KBTBD12: variants seen among roughly 807,000 people sequenced by gnomAD.
KBTBD12 encodes the protein kelch repeat and BTB domain-containing protein 12.
In KBTBD12, 53 loss-of-function variants were observed where a neutral mutation model predicts 58.7. That is an observed-to-expected ratio of 0.90 (90% CI 0.72 to 1.14). The LOEUF (loss-of-function observed/expected upper bound fraction) is 1.14, where lower values mean the gene tolerates loss of function less well. KBTBD12 is among the 50% of genes most tolerant of loss of function. KBTBD12 has a pLI of 0.00. For missense variants in KBTBD12, 704 were observed against 751.3 expected (o/e 0.94, Z 0.74); for synonymous variants, 236 against 259.8 (o/e 0.91, Z 0.88).
chr3:127,965,827 A>G (rs1403862499), intron 5 of KBTBD12, among the ~76,000 whole-genome samples: 1 of 152,222 alleles, frequency 6.6e-6, no homozygotes, highest in African/African-American at 2.4e-5. Context: ...AGCAACAACA[A>G]TTTGGAAGCT....
At chr3:127,949,554 T>C (rs1265923889) in intron 4 of KBTBD12, among the ~76,000 whole-genome samples, 1 of 152,166 alleles carries the variant, frequency 6.6e-6, no homozygotes, top group East Asian at 1.9e-4. Flanking sequence ...TTGGAATTAT[T>C]AAGTGTGGGG....
chr3:127,957,746 C>T (rs898728360), intron 4 of KBTBD12, among the ~76,000 whole-genome samples: 12 of 152,144 alleles, frequency 7.9e-5, no homozygotes, highest in African/African-American at 2.9e-4. Flanking sequence ...CTTCACTGTC[C>T]GTACCCAGTG....
intron 4 of KBTBD12, among the ~76,000 whole-genome samples, chr3:127,956,350 C>G (rs1940320054): frequency 6.6e-6 from 1 of 151,656 alleles, no homozygotes; most frequent in Admixed American, 6.6e-5. Flanking sequence ...ATTATTGTGA[C>G]AGTGAGTTAA....
intron 4 of KBTBD12, among the ~76,000 whole-genome samples, chr3:127,938,033 C>T (rs1272149947): frequency 1.3e-5 from 2 of 151,902 alleles, no homozygotes; most frequent in East Asian, 1.9e-4. Context: ...CAGCAGACCA[C>T]CATAAAGGAA....
In KBTBD12 at chr3:127,984,192, T is replaced by A; in HGVS notation, c.1786T>A (p.Tyr596Asn). ...CATCAACGTCCTCATGCATGACAGC[T>A]ATGATGTCTGCCTAGTAGCCAGGAT... Reference protein sequence around the residue: ...VAINVLMHDSYDVCLVARMNP... With the variant: ...VAINVLMHDSNDVCLVARMNP... Residue 596 changes from tyrosine to asparagine, a missense_variant, in exon 6 of 6, where the codon TAT (tyrosine) becomes AAT (asparagine). Physicochemically the swap from Tyr to Asn is moderately radical, Grantham distance 143 (BLOSUM62 -2). Transcript: ENST00000405109. 6.2e-7 allele frequency: 1 copy of A among 1,613,814 alleles called. No homozygotes were observed. Among genetic ancestry groups the A allele is most frequent in the South Asian group, 1.1e-5 (1 of 91,078 alleles).
intron 4 of KBTBD12, among the ~76,000 whole-genome samples, chr3:127,931,836 A>C (rs1939709889): frequency 6.6e-6 from 1 of 152,050 alleles, no homozygotes; most frequent in Non-Finnish European, 1.5e-5. Flanking sequence ...AGAATGGAAT[A>C]AGCAGTGGTT....
chr3:127,919,067 G>A (rs774472334), intron 1 of KBTBD12, among the ~76,000 whole-genome samples: 54 of 152,086 alleles, frequency 3.6e-4, no homozygotes, highest in Non-Finnish European at 7.2e-4. Flanking sequence ...GTAAGACCCT[G>A]CTCCTGTCCT....
At chr3:127,955,522 G>A (rs185948036) in intron 4 of KBTBD12, among the ~76,000 whole-genome samples, 111 of 152,310 alleles carry the variant, frequency 7.3e-4, no homozygotes, top group Middle Eastern at 3.4e-3. Flanking sequence ...AGCAATTTTT[G>A]AAAAGTGTAA....
rs1311816894 is a variant in KBTBD12, at chr3:127,930,163, T to C, written c.1372T>C (p.Leu458=). Residue 458 remains leucine (L), a synonymous_variant, in exon 4 of 6, where the codon TTA becomes CTA. Coordinates refer to ENST00000405109, the MANE Select transcript of KBTBD12 (RefSeq NM_207335.4). ...TCTTCCTGATGAAGAACCTGATCGA[T>C]TAAGCAACAAACTGTTGCAGTATGA... ...MDLPDEEPDR[L]SNKLLQYDPS... is the part of the protein sequence containing the mutation. The C allele has an allele frequency of 6.3e-7, 1 of 1,597,242 alleles. No individual in the cohort carries two copies. The highest frequency in any genetic ancestry group is 8.5e-7 in the Non-Finnish European group (1 of 1,170,788).
chr3:127,924,277 C>T, intron 2 of KBTBD12, 146 bp downstream of exon 2: 1 of 529,758 alleles, frequency 1.9e-6, no homozygotes, highest in Non-Finnish European at 3.3e-6. Context: ...GTATACAGAA[C>T]ATGCTTTTGT....
At chr3:127,943,427 T>G (rs778589235) in intron 4 of KBTBD12, among the ~76,000 whole-genome samples, 1 of 152,172 alleles carries the variant, frequency 6.6e-6, no homozygotes, top group African/African-American at 2.4e-5. Context: ...TGATTAGTGA[T>G]GTTGAGTGCT....
At chr3:127,925,092 C>G (rs1272380337) in intron 2 of KBTBD12, among the ~76,000 whole-genome samples, 1 of 152,212 alleles carries the variant, frequency 6.6e-6, no homozygotes, top group Non-Finnish European at 1.5e-5. Flanking sequence ...ATTTGTCTGT[C>G]ATCTCCTAGC....
At chr3:127,951,284 T>G (rs980909847) in intron 4 of KBTBD12, among the ~76,000 whole-genome samples, 1 of 152,238 alleles carries the variant, frequency 6.6e-6, no homozygotes, top group Non-Finnish European at 1.5e-5. Context: ...TGGTCAGAGA[T>G]ATTCTCATTG....
intron 4 of KBTBD12, among the ~76,000 whole-genome samples, chr3:127,947,461 A>G (rs573705454): frequency 6.6e-6 from 1 of 152,310 alleles, no homozygotes; most frequent in South Asian, 2.1e-4. Flanking sequence ...AAACAACTTC[A>G]GAGTTGTTTA....
intron 5 of KBTBD12, among the ~76,000 whole-genome samples, chr3:127,977,313 T>C (rs1354998682): frequency 2.0e-5 from 3 of 152,216 alleles, no homozygotes; most frequent in African/African-American, 7.2e-5. Flanking sequence ...CATGTGTCTT[T>C]ATGGTAGAAC....
At chr3:127,978,566 G>T (rs928845037) in intron 5 of KBTBD12, among the ~76,000 whole-genome samples, 2 of 152,172 alleles carry the variant, frequency 1.3e-5, no homozygotes, top group African/African-American at 4.8e-5. Context: ...TCTGTTCCAA[G>T]GAGGAAGGAA....
chr3:127,946,358 G>A lies in KBTBD12; in HGVS notation c.1492+16075G>A, dbSNP rs114916753. ...TCTTGGCTTTTGATTGTCCGTAAATGTCTTCATTTGTCTTCATTTTCAAGG... is the reference window on the plus strand; with the variant it reads ...TCTTGGCTTTTGATTGTCCGTAAATATCTTCATTTGTCTTCATTTTCAAGG... On this transcript the variant is annotated intron_variant, in intron 4 of 5. Coordinates refer to ENST00000405109, the MANE Select transcript of KBTBD12 (RefSeq NM_207335.4). Among the ~76,000 whole-genome samples, 608 of 152,116 alleles carry A rather than the reference G, an allele frequency of 4.0e-3. 6 individuals are homozygous for A. The highest frequency in any genetic ancestry group is 0.014 in the African/African-American group (578 of 41,510).
rs114451815 is a variant in KBTBD12, at chr3:127,943,873, G to A, written c.1492+13590G>A. 8.1e-3 allele frequency among the ~76,000 whole-genome samples: 1,234 copies of A among 152,198 alleles called. 17 individuals carry two copies. Among genetic ancestry groups the A allele is most frequent in the African/African-American group, 0.027 (1,103 of 41,536 alleles). ...GAGTTGCTTTTTGTGTATAGTGTAAGATAAGGTCCAATTTCATTTTTTGCA... is the reference window on the plus strand; with the variant it reads ...GAGTTGCTTTTTGTGTATAGTGTAAAATAAGGTCCAATTTCATTTTTTGCA... On this transcript the variant is annotated intron_variant, in intron 4 of 5. Transcript: ENST00000405109.
At position 127,923,992 on chromosome 3, in the gene KBTBD12, A is replaced by T; in HGVS notation, c.931A>T (p.Ile311Phe). 1.2e-6 allele frequency: 2 copies of T among 1,613,858 alleles called. No homozygotes were observed. The highest frequency in any genetic ancestry group is 1.7e-6 in the Non-Finnish European group (2 of 1,179,782). ...TCCTGTATCACGGAAAACCTATTTC[A>T]TCTCATCTCCCAAGTACGGAGAGGG... ...YDPVSRKTYF[I>F]SSPKYGEGLG... The change falls in exon 2 of 6, where the codon ATC (isoleucine) becomes TTC (phenylalanine). Residue 311 changes from isoleucine to phenylalanine, a missense_variant. Transcript: ENST00000405109.
Sources: allele counts gnomAD v4.1 joint callset (sites outside exome capture counted in the v4.1 genomes callset), GRCh38; gene constraint gnomAD v4.1.1; transcripts MANE v1.5; gene names NCBI Gene and HGNC (gene_info 2026-07-23, HGNC 2026-07-21).